The following EGLN3 variants were observed in gnomAD, a reference collection of about 807,000 sequenced individuals.
EGLN3 encodes the protein prolyl hydroxylase EGLN3.
In EGLN3, 15 loss-of-function variants were observed where a neutral mutation model predicts 26.0. The ratio of observed to expected loss-of-function variants is 0.58; its 90% CI spans 0.39 to 0.89. The LOEUF (loss-of-function observed/expected upper bound fraction) is 0.89, where lower values mean the gene tolerates loss of function less well. Among genes scored for constraint, EGLN3 ranks in the 40% least tolerant of loss-of-function variants. The pLI is 0.00. For synonymous variants in EGLN3, 147 were observed against 127.2 expected (o/e 1.16, Z -1.05); for missense variants, 238 against 311.6 (o/e 0.76, Z 1.78).
rs528871000 is a variant in EGLN3, at chr14:33,939,410, C to T, written c.358-8195G>A. 1.3e-4 allele frequency among the ~76,000 whole-genome samples: 20 copies of T among 152,258 alleles called. No homozygotes were observed. In the East Asian group the frequency reaches 3.5e-3, roughly 27 times the overall value. On this transcript the variant is annotated intron_variant, in intron 1 of 4. Coordinates refer to ENST00000250457, the MANE Select transcript of EGLN3 (RefSeq NM_022073.4). Reference sequence around the variant, plus strand: ...TGTTTTTAGTAGAGACTGGGTTTCACTTTGTTAGCCAGGATGGTCTCTATC... The same window carrying T: ...TGTTTTTAGTAGAGACTGGGTTTCATTTTGTTAGCCAGGATGGTCTCTATC...
intron 1 of EGLN3, among the ~76,000 whole-genome samples, chr14:33,946,267 T>C (rs2064517464): frequency 6.6e-6 from 1 of 152,056 alleles, no homozygotes; most frequent in Non-Finnish European, 1.5e-5. Flanking sequence ...TCCCAGCTAC[T>C]CAGGAGGCTG....
chr14:33,927,271 C>T (rs1333486126), intron 3 of EGLN3, among the ~76,000 whole-genome samples: 1 of 151,842 alleles, frequency 6.6e-6, no homozygotes, highest in African/African-American at 2.4e-5. Flanking sequence ...CAGGTTCAAG[C>T]GATTCTCCTG....
At position 33,950,591 on chromosome 14, in the gene EGLN3, C is replaced by T. The variant is rs750851917; in HGVS notation, c.162G>A (p.Gly54=). ...LERVKQLHCT[G]ALRDGQLAGP... ...CCGCCAGCTGGCCGTCCCGCAGGGC[C>T]CCGGTGCAGTGCAGCTGCTTGACGC... is the stretch of plus-strand genomic sequence containing the variant. The change falls in exon 1 of 5, where the codon GGG becomes GGA. Residue 54 remains glycine (G), a synonymous_variant. Coordinates refer to ENST00000250457, the MANE Select transcript of EGLN3 (RefSeq NM_022073.4). 1 of 1,613,252 alleles carries T rather than the reference C, an allele frequency of 6.2e-7. No individual in the cohort carries two copies. The highest frequency in any genetic ancestry group is 8.5e-7 in the Non-Finnish European group (1 of 1,179,806).
intron 1 of EGLN3, among the ~76,000 whole-genome samples, chr14:33,933,471 G>A (rs2064418860): frequency 6.6e-6 from 1 of 152,090 alleles, no homozygotes; most frequent in Admixed American, 6.5e-5. Context: ...TAAGAGGGAG[G>A]CAAAGAGATA....
At chr14:33,944,195 C>T (rs2064502221) in intron 1 of EGLN3, among the ~76,000 whole-genome samples, 1 of 152,076 alleles carries the variant, frequency 6.6e-6, no homozygotes, top group Non-Finnish European at 1.5e-5. Flanking sequence ...AATCTCGGCT[C>T]ACTGCAACCT....
intron 1 of EGLN3, chr14:33,949,895 C>T: frequency 4.8e-6 from 1 of 206,228 alleles, no homozygotes; most frequent in Non-Finnish European, 9.7e-6. Flanking sequence ...CACACCTGCC[C>T]AACTCCACAA....
At chr14:33,927,745 G>A (rs906873933) in intron 3 of EGLN3, among the ~76,000 whole-genome samples, 2 of 152,208 alleles carry the variant, frequency 1.3e-5, no homozygotes, top group African/African-American at 4.8e-5. Flanking sequence ...ACATAGAGAA[G>A]AGATGACATT....
rs2064359091 is a variant in EGLN3, at chr14:33,925,908, C to T, written c.703G>A (p.Ala235Thr). ...GAGCACGGTCAGTCTTCAGTGAGGG[C>T]AGATTCAGTTTTCCCTGGGTTGGGG... ...FRNLTRKTES[A>T]LTED Residue 235 changes from alanine to threonine, a missense_variant, in exon 5 of 5, where the codon GCC becomes ACC. Ala to Thr is a moderately conservative substitution (Grantham distance 58). Transcript: ENST00000250457. 6.2e-7 allele frequency: 1 copy of T among 1,612,332 alleles called. No individual in the cohort carries two copies. The highest frequency in any genetic ancestry group is 1.3e-5 in the African/African-American group (1 of 74,678).
chr14:33,933,866 A>G (rs1436880625), intron 1 of EGLN3, among the ~76,000 whole-genome samples: 1 of 152,208 alleles, frequency 6.6e-6, no homozygotes, highest in East Asian at 1.9e-4. Flanking sequence ...TTAGTGTTTA[A>G]CAGAAGAGAA....
At chr14:33,931,807 A>T (rs1000232779) in intron 1 of EGLN3, among the ~76,000 whole-genome samples, 33 of 152,336 alleles carry the variant, frequency 2.2e-4, no homozygotes, top group Middle Eastern at 3.4e-3. Flanking sequence ...CACAGACAAC[A>T]CAGGGAGATT....
At chr14:33,928,134 T>A (rs1279072032) in intron 3 of EGLN3, among the ~76,000 whole-genome samples, 1 of 152,144 alleles carries the variant, frequency 6.6e-6, no homozygotes, top group African/African-American at 2.4e-5. Flanking sequence ...CAGGGTTTAG[T>A]TACATACCCC....
intron 1 of EGLN3, among the ~76,000 whole-genome samples, chr14:33,946,096 C>A (rs1054555217): frequency 6.6e-6 from 1 of 152,090 alleles, no homozygotes; most frequent in Non-Finnish European, 1.5e-5. Flanking sequence ...CAGTAGAAGC[C>A]GGGCGCGGTG....
At chr14:33,939,332 TCCCGAGTAGCTGGGACTA>T (rs2064465858) in intron 1 of EGLN3, among the ~76,000 whole-genome samples, 1 of 152,016 alleles carries the variant, frequency 6.6e-6, no homozygotes, top group South Asian at 2.1e-4. Context: ...TGCCTCAGCC[TCCCGAGTAGCTGGGACTA>T]CAGGCGCCCG....
chr14:33,936,099 C>T (rs7156942), intron 1 of EGLN3, among the ~76,000 whole-genome samples: 89,912 of 151,810 alleles, frequency 0.59, 27,041 homozygotes, highest in South Asian at 0.75. Context: ...GGCATGGTGG[C>T]GCACGCCTGT....
intron 1 of EGLN3, among the ~76,000 whole-genome samples, chr14:33,947,932 C>T (rs1013137214): frequency 2.0e-5 from 3 of 152,004 alleles, no homozygotes; most frequent in Admixed American, 2.0e-4. Flanking sequence ...CCTGTGGTCC[C>T]AGCTATGCAG....
chr14:33,926,573 A>G (rs1254526660), intron 4 of EGLN3, among the ~76,000 whole-genome samples: 2 of 152,200 alleles, frequency 1.3e-5, no homozygotes, highest in African/African-American at 2.4e-5. Context: ...CTGCTGTTAT[A>G]CTGAGAGTCA....
intron 3 of EGLN3, among the ~76,000 whole-genome samples, chr14:33,928,857 A>C (rs1265683141): frequency 6.6e-6 from 1 of 152,244 alleles, no homozygotes; most frequent in African/African-American, 2.4e-5. Flanking sequence ...CATCTAATAG[A>C]AAACAACTTG....
chr14:33,927,131 CTAT>C, intron 3 of EGLN3, 98 bp from the exon 4 acceptor site: 2 of 580,346 alleles, frequency 3.4e-6, no homozygotes, highest in East Asian at 7.9e-5. Context: ...AAAGTTTTCT[CTAT>C]TATTAGAAGT....
chr14:33,925,929 T>TG lies in EGLN3; in HGVS notation c.689-8dup. ...AGGGCAGATTCAGTTTTCCCTGGGT[T>TG]GGGGACAGAAAGGAGAATAAAGAGG... On this transcript the variant is annotated splice_polypyrimidine_tract_variant and splice_region_variant and intron_variant, in intron 4 of 4. Transcript: ENST00000250457. The TG allele has an allele frequency of 6.3e-7, 1 of 1,595,624 alleles. No homozygotes were observed. Among genetic ancestry groups the TG allele is most frequent in the African/African-American group, 1.4e-5 (1 of 72,664 alleles).
Sources: gnomAD v4.1 joint callset for allele counts (sites outside exome capture counted in the v4.1 genomes callset) on GRCh38, gnomAD v4.1.1 for gene constraint, MANE v1.5 for transcripts, NCBI Gene and HGNC (gene_info 2026-07-23, HGNC 2026-07-21) for gene names.